OR14J1: variants seen among roughly 807,000 people sequenced by gnomAD.
OR14J1 encodes the protein olfactory receptor family 14 subfamily J member 1, also known as olfactory receptor 14J1.
For missense variants in OR14J1, 378 were observed against 393.4 expected, an observed-to-expected ratio of 0.96 and a Z score of 0.33; for synonymous variants, 140 against 146.7, an observed-to-expected ratio of 0.95 and a Z score of 0.33.
rs1446877308 is a variant in OR14J1 at position 29,307,963 on chromosome 6, C to T, written c.*308C>T. ...TAAGGTTGGAGATAGATGAAGCTAA[C>T]TGGGTTAATATTATGGTGCATATAT... On this transcript the variant is annotated 3_prime_UTR_variant, in exon 2 of 2. Coordinates refer to ENST00000641895, the MANE Select transcript of OR14J1 (RefSeq NM_030946.2). 1 of 233,886 alleles carries T rather than the reference C, an allele frequency of 4.3e-6. No individual in the cohort carries two copies. The highest frequency in any genetic ancestry group is 8.2e-6 in the Non-Finnish European group (1 of 121,230). 14.5% of individuals were successfully genotyped at this position (233,886 alleles called of 1,614,324 possible). A position where few individuals can be genotyped will look rare whatever the true frequency, so the allele number is the denominator to read the frequency against.
In OR14J1 at chr6:29,311,445, TC is replaced by T. The variant is rs1775507002; in HGVS notation, c.*3793del. On this transcript the variant is annotated 3_prime_UTR_variant, in exon 2 of 2. Transcript: ENST00000641895. ...TTTGCATATTTGAATCAGCTTTGCA[TC>T]CCAGGAATGAAGCTGACTTGATCAT... The T allele has an allele frequency of 6.6e-6, 1 of 152,218 alleles. No individual in the cohort carries two copies. Among genetic ancestry groups the T allele is most frequent in the Admixed American group, 6.5e-5 (1 of 15,274 alleles). 9.4% of individuals were successfully genotyped at this position (152,218 alleles called of 1,614,324 possible).
chr6:29,305,787 T>G (rs1289545960), intron 1 of OR14J1, among the ~76,000 whole-genome samples: 2 of 151,980 alleles, frequency 1.3e-5, no homozygotes, highest in African/African-American at 2.4e-5. Flanking sequence ...ATCTAATATA[T>G]TTCAAGTCCT....
chr6:29,306,815 CATT>C lies in OR14J1; in HGVS notation c.129_131del (p.Ile44del), dbSNP rs1775122164. On this transcript the variant is annotated inframe_deletion, in exon 2 of 2. Transcript: ENST00000641895. ...TGCTGGCCTTGACAGGCAACCTCCT[CATT>C]ATCACCATCATTACCGTGGACCGTC... The C allele has an allele frequency of 6.2e-7, 1 of 1,612,944 alleles. No homozygotes were observed. Among genetic ancestry groups the C allele is most frequent in the South Asian group, 1.1e-5 (1 of 91,090 alleles).
rs781076672 is a variant in OR14J1, at chr6:29,307,261, T to A, written c.572T>A (p.Phe191Tyr). The A allele has an allele frequency of 1.2e-6, 2 of 1,612,970 alleles. No individual in the cohort carries two copies. Among genetic ancestry groups the A allele is most frequent in the South Asian group, 2.2e-5 (2 of 91,084 alleles). ...CTGAAACTAGCCTGTTCTTATGAAT[T>A]CATTAATGAGATTGCACTGGCTGCA... Reference protein sequence around the residue: ...QMLKLACSYEFINEIALAAFT... With the variant: ...QMLKLACSYEYINEIALAAFT... Residue 191 changes from phenylalanine (F) to tyrosine (Y), a missense_variant, in exon 2 of 2, where the codon TTC becomes TAC. Transcript: ENST00000641895.
Position 29,307,497 on chromosome 6 carries a change from C to T in OR14J1, c.808C>T (p.Leu270Phe). The T allele has an allele frequency of 1.2e-6, 2 of 1,612,940 alleles. No individual in the cohort carries two copies. Among genetic ancestry groups the T allele is most frequent in the South Asian group, 1.1e-5 (1 of 91,076 alleles). Residue 270 changes from leucine to phenylalanine, a missense_variant, in exon 2 of 2, where the codon CTT becomes TTT. Physicochemically the swap from Leu to Phe is conservative, Grantham distance 22 (BLOSUM62 0). Coordinates refer to ENST00000641895, the MANE Select transcript of OR14J1 (RefSeq NM_030946.2). The stretch of plus-strand genomic sequence containing the variant: ...TTCTGATTCCTCATCGACTGTGGAC[C>T]TTGTATTCTCCGTATTCTATACTGT... ...LPSDSSSTVDLVFSVFYTVIP... is the reference protein window; with the variant it reads ...LPSDSSSTVDFVFSVFYTVIP...
rs1252968061 is a variant in OR14J1, at chr6:29,312,053, C to A, written c.*4398C>A. 6.6e-6 allele frequency: 1 copy of A among 152,108 alleles called. No homozygotes were observed. The highest frequency in any genetic ancestry group is 2.4e-5 in the African/African-American group (1 of 41,408). 9.4% of individuals were successfully genotyped at this position (152,108 alleles called of 1,614,324 possible). A position where few individuals can be genotyped will look rare whatever the true frequency, so the allele number is the denominator to read the frequency against. Reference sequence around the variant, plus strand: ...TACTTTGTTAATTATTTCAAAAAAACCAGCTCCTGGATTCATTGATTTTTT... The same window carrying A: ...TACTTTGTTAATTATTTCAAAAAAAACAGCTCCTGGATTCATTGATTTTTT... On this transcript the variant is annotated 3_prime_UTR_variant, in exon 2 of 2. Transcript: ENST00000641895.
intron 1 of OR14J1, among the ~76,000 whole-genome samples, chr6:29,303,490 C>T (rs376323023): frequency 6.6e-6 from 1 of 152,160 alleles, no homozygotes; most frequent in East Asian, 1.9e-4. Flanking sequence ...TGTGGATTTG[C>T]TGGAGCTGTT....
At position 29,306,992 on chromosome 6, in the gene OR14J1, C is replaced by T; in HGVS notation, c.303C>T (p.Phe101=). The change falls in exon 2 of 2, where the codon TTC becomes TTT. Residue 101 remains phenylalanine, a synonymous_variant. Transcript: ENST00000641895. The part of the protein sequence containing the change: ...SLVQCILQVF[F]FIALASSEVA... ...TTCAGTGCATTCTTCAGGTTTTCTTCTTCATAGCTCTGGCCTCATCAGAAG... is the reference window on the plus strand; with the variant it reads ...TTCAGTGCATTCTTCAGGTTTTCTTTTTCATAGCTCTGGCCTCATCAGAAG... The T allele has an allele frequency of 1.2e-6, 2 of 1,613,090 alleles. No individual in the cohort carries two copies. The highest frequency in any genetic ancestry group is 1.7e-6 in the Non-Finnish European group (2 of 1,180,032).
rs1201376193 is a variant in OR14J1, at chr6:29,308,637, A to G, written c.*982A>G. 1 of 152,214 alleles carries G rather than the reference A, an allele frequency of 6.6e-6. No homozygotes were observed. The highest frequency in any genetic ancestry group is 2.4e-5 in the African/African-American group (1 of 41,454). 9.4% of individuals were successfully genotyped at this position (152,214 alleles called of 1,614,324 possible). A position where few individuals can be genotyped will look rare whatever the true frequency, so the allele number is the denominator to read the frequency against. ...CTTGTGAATCTGAATATCTGATTCA[A>G]TTTTGTGTAATGCTGCAGATTTCTT... On this transcript the variant is annotated 3_prime_UTR_variant, in exon 2 of 2. Coordinates refer to ENST00000641895, the MANE Select transcript of OR14J1 (RefSeq NM_030946.2).
Position 29,307,245 on chromosome 6 carries a change from G to A in OR14J1, c.556G>A (p.Ala186Thr). The A allele has an allele frequency of 6.2e-7, 1 of 1,612,914 alleles. No individual in the cohort carries two copies. The highest frequency in any genetic ancestry group is 8.5e-7 in the Non-Finnish European group (1 of 1,179,988). ...FCDVPQMLKL[A>T]CSYEFINEIA... ...TGATGTTCCTCAGATGCTGAAACTA[G>A]CCTGTTCTTATGAATTCATTAATGA... Residue 186 changes from alanine (A) to threonine (T), a missense_variant, in exon 2 of 2, where the codon GCC becomes ACC. Ala to Thr is a moderately conservative substitution (Grantham distance 58). Coordinates refer to ENST00000641895, the MANE Select transcript of OR14J1 (RefSeq NM_030946.2).
intron 1 of OR14J1, among the ~76,000 whole-genome samples, chr6:29,303,688 C>A (rs1451690579): frequency 5.4e-5 from 8 of 149,074 alleles, no homozygotes; most frequent in African/African-American, 2.0e-4. Context: ...TTAAGATTAT[C>A]TCTATCTATC....
rs544406737 is a variant in OR14J1 at position 29,311,963 on chromosome 6, T to A, written c.*4308T>A. The A allele has an allele frequency of 5.3e-5, 8 of 152,326 alleles. No individual in the cohort carries two copies. The South Asian group carries it at 1.7e-3, about 32-fold the overall frequency. 9.4% of individuals were successfully genotyped at this position (152,326 alleles called of 1,614,324 possible). On this transcript the variant is annotated 3_prime_UTR_variant, in exon 2 of 2. Coordinates refer to ENST00000641895, the MANE Select transcript of OR14J1 (RefSeq NM_030946.2). Reference sequence around the variant, plus strand: ...TGTGGGATCAGCAGTGATATGCCATTTATCATTTTTATAGTGTCTATTGAT... The same window carrying A: ...TGTGGGATCAGCAGTGATATGCCATATATCATTTTTATAGTGTCTATTGAT...
chr6:29,306,787 A>C lies in OR14J1; in HGVS notation c.98A>C (p.Tyr33Ser), dbSNP rs1775118462. The C allele has an allele frequency of 3.1e-6, 5 of 1,612,882 alleles. No individual in the cohort carries two copies. The highest frequency in any genetic ancestry group is 4.2e-6 in the Non-Finnish European group (5 of 1,180,002). Residue 33 changes from tyrosine (Y) to serine (S), a missense_variant, in exon 2 of 2, where the codon TAC becomes TCC. Coordinates refer to ENST00000641895, the MANE Select transcript of OR14J1 (RefSeq NM_030946.2). ...ILHALVFLVT[Y>S]LLALTGNLLI... ...CATGCATTGGTATTTCTGGTGACAT[A>C]CCTGCTGGCCTTGACAGGCAACCTC...
rs1775385394 is a variant in OR14J1 at position 29,309,879 on chromosome 6, G to C, written c.*2224G>C. The C allele has an allele frequency of 1.3e-5, 2 of 152,290 alleles. No individual in the cohort carries two copies. Among genetic ancestry groups the C allele is most frequent in the Admixed American group, 6.5e-5 (1 of 15,288 alleles). 9.4% of individuals were successfully genotyped at this position (152,290 alleles called of 1,614,324 possible). Reference sequence around the variant, plus strand: ...ACCTGTAATCCCGGCTACTCAGGAGGCTGAGGCAGGAGAATCGCTTGAACC... The same window carrying C: ...ACCTGTAATCCCGGCTACTCAGGAGCCTGAGGCAGGAGAATCGCTTGAACC... On this transcript the variant is annotated 3_prime_UTR_variant, in exon 2 of 2. Coordinates refer to ENST00000641895, the MANE Select transcript of OR14J1 (RefSeq NM_030946.2).
At chr6:29,303,950 C>G (rs1434352121) in intron 1 of OR14J1, among the ~76,000 whole-genome samples, 1 of 151,940 alleles carries the variant, frequency 6.6e-6, no homozygotes, top group African/African-American at 2.4e-5. Flanking sequence ...GCAAAGATGC[C>G]CTTTGCGATA....
rs1418254159 is a variant in OR14J1, at chr6:29,308,106, G to C, written c.*451G>C. On this transcript the variant is annotated 3_prime_UTR_variant, in exon 2 of 2. Coordinates refer to ENST00000641895, the MANE Select transcript of OR14J1 (RefSeq NM_030946.2). ...ATTCAGCCCCTAGTAAGTATCAAGT[G>C]CTTTATATATATACATTTTTTTGAC... 1 of 152,456 alleles carries C rather than the reference G, an allele frequency of 6.6e-6. No individual in the cohort carries two copies. The highest frequency in any genetic ancestry group is 1.5e-5 in the Non-Finnish European group (1 of 68,354). The allele number at this position is 152,456 out of a possible 1,614,324, so 9.4% of individuals were successfully genotyped here.
Position 29,307,915 on chromosome 6 carries a change from A to G in OR14J1, c.*260A>G. 3.0e-6 allele frequency: 1 copy of G among 328,006 alleles called. No individual in the cohort carries two copies. Among genetic ancestry groups the G allele is most frequent in the African/African-American group, 2.1e-5 (1 of 46,742 alleles). The allele number at this position is 328,006 out of a possible 1,614,324, so 20.3% of individuals were successfully genotyped here. On this transcript the variant is annotated 3_prime_UTR_variant, in exon 2 of 2. Transcript: ENST00000641895. ...ATTAGTTTGGAGTCTGGCCTGTATA[A>G]TTTAAAACTTGTTATTAACAAATAA...
At chr6:29,302,155 G>A (rs1774745495) in intron 1 of OR14J1, among the ~76,000 whole-genome samples, 1 of 71,846 alleles carries the variant, frequency 1.4e-5, no homozygotes, top group Non-Finnish European at 3.6e-5. Context: ...ACAAATGAGG[G>A]GAGATTTTTT....
intron 1 of OR14J1, among the ~76,000 whole-genome samples, chr6:29,305,731 ATT>A (rs34286314): frequency 6.7e-6 from 1 of 149,426 alleles, no homozygotes. Context: ...TCTGGTATAG[ATT>A]TTTTTTTTGT....
Sources: allele counts gnomAD v4.1 joint callset (sites outside exome capture counted in the v4.1 genomes callset), GRCh38; gene constraint gnomAD v4.1.1; transcripts MANE v1.5; gene names NCBI Gene and HGNC (gene_info 2026-07-23, HGNC 2026-07-21).